STK32C: variants seen among roughly 807,000 people sequenced by gnomAD.
STK32C encodes the protein serine/threonine-protein kinase 32C.
Under a neutral mutation model 56.5 loss-of-function variants are expected in STK32C, and 31 were observed. The observed-to-expected ratio is 0.55, with a 90% confidence interval of 0.41 to 0.74. The LOEUF (loss-of-function observed/expected upper bound fraction) is 0.74. Among genes scored for constraint, STK32C ranks in the 30% least tolerant of loss-of-function variants. The pLI is 0.00. For missense variants in STK32C, 544 were observed against 676.9 expected, an observed-to-expected ratio of 0.80 and a Z score of 2.18; for synonymous variants, 309 against 289.4, an observed-to-expected ratio of 1.07 and a Z score of -0.69.
At chr10:132,244,112 C>A (rs186984850) in intron 2 of STK32C, among the ~76,000 whole-genome samples, 2 of 152,180 alleles carry the variant, frequency 1.3e-5, no homozygotes, top group African/African-American at 4.8e-5. Context: ...CTGGAAGGAC[C>A]CCTCCAGGTC....
At chr10:132,310,266 G>A (rs1396628484), upstream of STK32C, among the ~76,000 whole-genome samples, 1 of 152,236 alleles carries the variant, frequency 6.6e-6, no homozygotes, top group Non-Finnish European at 1.5e-5. This position sits in a 1 kb window ranked among gnomAD's most constrained non-coding sequence, Gnocchi z 4.6. Flanking sequence ...GGAAGGATCT[G>A]TAGGGAAACA....
In STK32C at chr10:132,307,885, C is replaced by T; in HGVS notation, c.-52G>A. 8.8e-7 allele frequency: 1 copy of T among 1,140,010 alleles called. No homozygotes were observed. The highest frequency in any genetic ancestry group is 1.1e-6 in the Non-Finnish European group (1 of 923,242). 70.6% of individuals were successfully genotyped at this position (1,140,010 alleles called of 1,614,324 possible). A position where few individuals can be genotyped will look rare whatever the true frequency, so the allele number is the denominator to read the frequency against. ...CGGAACTCGGGGCATGGCCGGCCGG[C>T]AGGGCCGGGAGCGGCAGTGGTAGCG... On this transcript the variant is annotated 5_prime_UTR_variant, in exon 1 of 12. Coordinates refer to ENST00000298630, the MANE Select transcript of STK32C (RefSeq NM_173575.4). The surrounding 1 kb of genome is among the most constrained non-coding windows in gnomAD (Gnocchi z 4.4).
At chr10:132,220,208 A>T (rs559312168) in intron 10 of STK32C, among the ~76,000 whole-genome samples, 1 of 152,336 alleles carries the variant, frequency 6.6e-6, no homozygotes, top group South Asian at 2.1e-4. Flanking sequence ...TTATGAGAAG[A>T]GGGGAGGAGA....
At chr10:132,240,797 G>A (rs1444439005) in intron 2 of STK32C, among the ~76,000 whole-genome samples, 2 of 152,066 alleles carry the variant, frequency 1.3e-5, no homozygotes, top group Non-Finnish European at 2.9e-5. Flanking sequence ...AGAGGGCAGA[G>A]ACCCACTTAG....
intron 10 of STK32C, among the ~76,000 whole-genome samples, chr10:132,210,485 T>G (rs1590124751): frequency 6.6e-6 from 1 of 152,228 alleles, no homozygotes; most frequent in African/African-American, 2.4e-5. Context: ...TGACCTCAGG[T>G]GCTCCGCCTG....
chr10:132,211,675 G>A (rs2062304281), intron 10 of STK32C, among the ~76,000 whole-genome samples: 1 of 152,212 alleles, frequency 6.6e-6, no homozygotes, highest in South Asian at 2.1e-4. Flanking sequence ...TCCTTGGGTG[G>A]CTGGAACCCT....
intron 10 of STK32C, among the ~76,000 whole-genome samples, chr10:132,217,551 T>A (rs955095326): frequency 1.3e-5 from 2 of 152,122 alleles, no homozygotes; most frequent in African/African-American, 4.8e-5. Context: ...TTGGAGGGGC[T>A]GGGGCAGAAT....
chr10:132,229,567 G>C (rs148861247), intron 2 of STK32C, among the ~76,000 whole-genome samples: 1 of 152,330 alleles, frequency 6.6e-6, no homozygotes, highest in African/African-American at 2.4e-5. Context: ...GCCACGAATG[G>C]TAACATGTTT....
At chr10:132,249,719 C>T (rs1272443898) in intron 1 of STK32C, among the ~76,000 whole-genome samples, 1 of 152,188 alleles carries the variant, frequency 6.6e-6, no homozygotes, top group Non-Finnish European at 1.5e-5. Flanking sequence ...GCCCTCATGC[C>T]CTCCCGACCC....
chr10:132,211,506 G>A (rs2062297811), intron 10 of STK32C, among the ~76,000 whole-genome samples: 1 of 152,262 alleles, frequency 6.6e-6, no homozygotes, highest in African/African-American at 2.4e-5. Context: ...GCTCTGAGCA[G>A]CGCCCAAGCC....
chr10:132,248,552 G>C (rs537369596), intron 1 of STK32C, among the ~76,000 whole-genome samples: 1 of 152,250 alleles, frequency 6.6e-6, no homozygotes, highest in Non-Finnish European at 1.5e-5. Flanking sequence ...TGCAGCGGCC[G>C]GTAGAGGCAA....
chr10:132,330,995 G>A (rs1195620911), intron 1 of STK32C, among the ~76,000 whole-genome samples: 2 of 151,150 alleles, frequency 1.3e-5, no homozygotes, highest in African/African-American at 4.9e-5. Context: ...GAGGTCAGGA[G>A]ATCGAGACCA....
At chr10:132,286,488 C>T (rs2065408622) in intron 1 of STK32C, among the ~76,000 whole-genome samples, 2 of 152,200 alleles carry the variant, frequency 1.3e-5, no homozygotes, top group African/African-American at 4.8e-5. Context: ...AAAGAAAACA[C>T]AGGCCAATAT....
At chr10:132,298,244 G>C (rs1476576818) in intron 1 of STK32C, among the ~76,000 whole-genome samples, 1 of 152,214 alleles carries the variant, frequency 6.6e-6, no homozygotes, top group Non-Finnish European at 1.5e-5. Flanking sequence ...CTGGGCCTGT[G>C]ACTGGCTCCA....
At chr10:132,272,651 G>A (rs1360333620) in intron 1 of STK32C, among the ~76,000 whole-genome samples, 1 of 152,078 alleles carries the variant, frequency 6.6e-6, no homozygotes, top group East Asian at 1.9e-4. Flanking sequence ...TCTGGCCACC[G>A]TCCACTCCCG....
intron 2 of STK32C, among the ~76,000 whole-genome samples, chr10:132,239,513 G>A (rs368104759): frequency 6.6e-6 from 1 of 152,264 alleles, no homozygotes; most frequent in African/African-American, 2.4e-5. Context: ...GATGGGGGTC[G>A]CTCCATGCCA....
rs529948279 is a variant in STK32C at position 132,223,752 on chromosome 10, G to A, written c.993+655C>T. Among the ~76,000 whole-genome samples the A allele has an allele frequency of 4.0e-4, 61 of 152,302 alleles. 1 individual carries two copies. Among genetic ancestry groups the A allele is most frequent in the South Asian group, 1.4e-3 (7 of 4,828 alleles). On this transcript the variant is annotated intron_variant, in intron 8 of 11. Coordinates refer to ENST00000298630, the MANE Select transcript of STK32C (RefSeq NM_173575.4). Reference sequence around the variant, plus strand: ...CGGGGGCCGGGAGGCAGCCGGGCCCGTGTGGCACACTCACTCCCCTCCCTG... The same window carrying A: ...CGGGGGCCGGGAGGCAGCCGGGCCCATGTGGCACACTCACTCCCCTCCCTG...
At position 132,307,667 on chromosome 10, in the gene STK32C, C is replaced by A; in HGVS notation, c.167G>T (p.Arg56Leu). ...CCACTTGCTCCACTGAAACAGGGGG[C>A]GCGGCTGCGAGCGGACATCGCCCGA... ...RDSGDVRSQP[R>L]PLFQWSKWKK... Residue 56 changes from arginine (R) to leucine (L), a missense_variant, in exon 1 of 12, where the codon CGC becomes CTC. Arg to Leu is a moderately radical substitution (Grantham distance 102). This residue lies in a region of STK32C where 182 missense variants were observed against 217.7 expected (regional missense o/e 0.84). Transcript: ENST00000298630. The surrounding 1 kb of genome is among the most constrained non-coding windows in gnomAD (Gnocchi z 4.4). The A allele has an allele frequency of 6.5e-7, 1 of 1,533,252 alleles. No individual in the cohort carries two copies. Among genetic ancestry groups the A allele is most frequent in the Non-Finnish European group, 8.8e-7 (1 of 1,142,006 alleles). The allele number at this position is 1,533,252 out of a possible 1,614,324, so 95.0% of individuals were successfully genotyped here. A position where few individuals can be genotyped will look rare whatever the true frequency, so the allele number is the denominator to read the frequency against.
At chr10:132,246,569 G>A (rs944950551) in intron 1 of STK32C, among the ~76,000 whole-genome samples, 2 of 152,166 alleles carry the variant, frequency 1.3e-5, no homozygotes, top group African/African-American at 4.8e-5. Flanking sequence ...CATGAGAGCC[G>A]TTCCGCAAGC....
Sources: allele counts gnomAD v4.1 joint callset (sites outside exome capture counted in the v4.1 genomes callset), GRCh38; gene constraint gnomAD v4.1.1; regional missense constraint gnomAD v4.1.1; non-coding constraint Gnocchi (gnomAD v3.1); transcripts MANE v1.5; gene names NCBI Gene and HGNC (gene_info 2026-07-23, HGNC 2026-07-21).